Variants in DLC1 observed in about 807,000 individuals in gnomAD.
DLC1 encodes DLC1 Rho GTPase activating protein.
In DLC1, 54 loss-of-function variants were observed where a neutral mutation model predicts 140.3. The observed-to-expected ratio is 0.38, with a 90% CI of 0.31 to 0.48. DLC1 has a LOEUF of 0.48. Ranked by LOEUF, DLC1 falls within the 20% of genes least tolerant of loss-of-function variation. The pLI, the probability that DLC1 is intolerant of heterozygous loss-of-function variation, is 0.96. For missense variants in DLC1, 2,536 were observed against 1,907.0 expected (o/e 1.33, Z -6.14); for synonymous variants, 986 against 728.1 (o/e 1.35, Z -5.70).
At chr8:13,241,739 C>T (rs1464938083) in intron 5 of DLC1, among the ~76,000 whole-genome samples, 2 of 152,246 alleles carry the variant, frequency 1.3e-5, no homozygotes, top group East Asian at 3.9e-4. Context: ...AGGTATTCTT[C>T]CATGGAGATC....
rs369369638 is a variant in DLC1 at position 13,100,343 on chromosome 8, C to T, written c.1994G>A (p.Arg665His). 9 of 1,614,078 alleles carry T rather than the reference C, an allele frequency of 5.6e-6. No homozygotes were observed. Among genetic ancestry groups the T allele is most frequent in the Admixed American group, 5.0e-5 (3 of 60,010 alleles). ...GHEKTAKSKT[R>H]SLLKRMESLK... The stretch of plus-strand genomic sequence containing the variant: ...GCTCTCCATCCGTTTCAGCAGACTG[C>T]GCGTCTTGGACTTGGCAGTTTTTTC... The change falls in exon 9 of 18, where the codon CGC (arginine) becomes CAC (histidine). Residue 665 changes from arginine to histidine, a missense_variant. By Grantham distance (29) the Arg-to-His change is conservative. Coordinates refer to ENST00000276297, the MANE Select transcript of DLC1 (RefSeq NM_182643.3).
At chr8:13,516,488 A>T (rs1007253055), upstream of DLC1, among the ~76,000 whole-genome samples, 1 of 152,098 alleles carries the variant, frequency 6.6e-6, no homozygotes, top group Non-Finnish European at 1.5e-5. Context: ...TTTTTTCCTT[A>T]TTAGGTAGCT....
At chr8:13,200,742 C>G (rs1245247022) in intron 5 of DLC1, among the ~76,000 whole-genome samples, 1 of 151,888 alleles carries the variant, frequency 6.6e-6, no homozygotes, top group African/African-American at 2.4e-5. Flanking sequence ...GTAGGTGGGA[C>G]GACAGGTCCA....
intron 5 of DLC1, among the ~76,000 whole-genome samples, chr8:13,222,274 T>C (rs760571753): frequency 2.0e-4 from 31 of 152,084 alleles, no homozygotes; most frequent in Non-Finnish European, 3.2e-4. Context: ...AACCCACATT[T>C]TCAATTCCTT....
chr8:13,501,784 A>C (rs1418352456), intron 1 of DLC1, among the ~76,000 whole-genome samples: 1 of 152,142 alleles, frequency 6.6e-6, no homozygotes, highest in Non-Finnish European at 1.5e-5. Context: ...GTTGACGTTC[A>C]CTCTGCACTC....
intron 4 of DLC1, among the ~76,000 whole-genome samples, chr8:13,365,661 G>T (rs1170168743): frequency 6.6e-6 from 1 of 152,112 alleles, no homozygotes; most frequent in African/African-American, 2.4e-5. Context: ...TGCTCCTTCT[G>T]GGTTTCCAGA....
intron 4 of DLC1, among the ~76,000 whole-genome samples, chr8:13,346,630 G>A (rs1359939328): frequency 6.6e-6 from 1 of 152,292 alleles, no homozygotes; most frequent in East Asian, 1.9e-4. Flanking sequence ...ATAGTTCCTC[G>A]AATGTAAAGG....
rs139315312 is a variant in DLC1 at position 13,355,784 on chromosome 8, T to C, written c.1314+37769A>G. Among the ~76,000 whole-genome samples, 417 of 152,144 alleles carry C rather than the reference T, an allele frequency of 2.7e-3. 2 individuals carry two copies. The highest frequency in any genetic ancestry group is 4.8e-3 in the Non-Finnish European group (328 of 67,992). ...CTAACACAAAGTTGTACTGATTCAT[T>C]TTCAAAAATCTTATTTTTGGCTCAG... On this transcript the variant is annotated intron_variant, in intron 4 of 17. Transcript: ENST00000276297.
At chr8:13,568,757 A>C (rs1158266662) in intron 1 of DLC1, among the ~76,000 whole-genome samples, 1 of 152,206 alleles carries the variant, frequency 6.6e-6, no homozygotes, top group African/African-American at 2.4e-5. Context: ...TTAAAGAAGG[A>C]TAGTTGTCTA....
At chr8:13,243,145 C>G (rs180899772) in intron 5 of DLC1, among the ~76,000 whole-genome samples, 138 of 152,022 alleles carry the variant, frequency 9.1e-4, no homozygotes, top group African/African-American at 3.3e-3. Flanking sequence ...CAAAAATTAG[C>G]CAAGCATGGT....
chr8:13,207,856 T>C (rs962578767), intron 5 of DLC1, among the ~76,000 whole-genome samples: 6 of 152,080 alleles, frequency 3.9e-5, no homozygotes, highest in African/African-American at 1.4e-4. Flanking sequence ...GGTGCCGGGG[T>C]TGAGAAACCA....
At chr8:13,602,618 C>G (rs1465422430) in intron 1 of DLC1, among the ~76,000 whole-genome samples, 1 of 151,760 alleles carries the variant, frequency 6.6e-6, no homozygotes, top group Non-Finnish European at 1.5e-5. Context: ...TCAAAACAGT[C>G]CTGAGTACCT....
chr8:13,587,602 C>CCT lies in DLC1; in HGVS notation c.-126+16934_-126+16935insAG, dbSNP rs1491096140. 7.0e-5 allele frequency among the ~76,000 whole-genome samples: 10 copies of CCT among 142,094 alleles called. No individual in the cohort carries two copies. The South Asian group carries it at 1.6e-3, about 22-fold the overall frequency. The allele number at this position is 142,094 out of a possible 152,430, so 93.2% of individuals were successfully genotyped here. On this transcript the variant is annotated intron_variant, in intron 1 of 1. Transcript: ENST00000631382. ...AGAAAATATATATATATATACATTG[C>CCT]ATATATATATATATATATATATACA...
rs181560597 is a variant in DLC1, at chr8:13,547,885, C to G, written c.-125-47689G>C. ...TGCACCCATTTCACGCGTTTCCTTT[C>G]TTGGAATCTCTCTTTTTTCTTGTCT... is the stretch of plus-strand genomic sequence containing the variant. On this transcript the variant is annotated intron_variant, in intron 1 of 1. Transcript: ENST00000631382. Among the ~76,000 whole-genome samples, 15 of 28,070 alleles carry G rather than the reference C, an allele frequency of 5.3e-4. No homozygotes were observed. In the East Asian group the frequency reaches 0.016, roughly 30 times the overall value. 18.4% of individuals were successfully genotyped at this position (28,070 alleles called of 152,430 possible).
chr8:13,423,344 A>G (rs976832565), intron 2 of DLC1, among the ~76,000 whole-genome samples: 3 of 152,184 alleles, frequency 2.0e-5, no homozygotes, highest in Non-Finnish European at 2.9e-5. Flanking sequence ...TGCAGGAGAC[A>G]TGTACTGGCA....
chr8:13,372,095 A>T (rs1334696111), intron 4 of DLC1, among the ~76,000 whole-genome samples: 2 of 152,160 alleles, frequency 1.3e-5, no homozygotes, highest in Non-Finnish European at 2.9e-5. Flanking sequence ...ATTAGGAAAT[A>T]GTCACAACTC....
intron 4 of DLC1, among the ~76,000 whole-genome samples, chr8:13,309,995 A>G (rs964868234): frequency 1.3e-5 from 2 of 152,134 alleles, no homozygotes; most frequent in Non-Finnish European, 2.9e-5. Flanking sequence ...TATTTTTATT[A>G]TGCCATTTTC....
At chr8:13,547,039 G>A (rs559411760) in intron 1 of DLC1, among the ~76,000 whole-genome samples, 22 of 152,022 alleles carry the variant, frequency 1.4e-4, no homozygotes, top group Non-Finnish European at 3.2e-4. Flanking sequence ...AAAATATTTT[G>A]ATAAATCAAC....
intron 2 of DLC1, among the ~76,000 whole-genome samples, chr8:13,437,312 C>T (rs1367283215): frequency 6.6e-6 from 1 of 152,226 alleles, no homozygotes; most frequent in Admixed American, 6.5e-5. Context: ...AGACATGCTG[C>T]TAGCCTTCTT....
Sources: allele counts gnomAD v4.1 joint callset (sites outside exome capture counted in the v4.1 genomes callset), GRCh38; gene constraint gnomAD v4.1.1; transcripts MANE v1.5; gene names NCBI Gene and HGNC (gene_info 2026-07-23, HGNC 2026-07-21).